Variants in KCNIP1 observed in about 807,000 individuals in gnomAD.
KCNIP1 encodes potassium voltage-gated channel interacting protein 1.
In KCNIP1, 18 loss-of-function variants were observed where a neutral mutation model predicts 33.0. The ratio of observed to expected loss-of-function variants is 0.55; its 90% CI spans 0.38 to 0.81. KCNIP1 has a LOEUF of 0.81. KCNIP1 is among the 30% of genes least tolerant of loss of function. The pLI, the probability that KCNIP1 is intolerant of heterozygous loss-of-function variation, is 0.00. For missense variants in KCNIP1, 238 were observed against 271.6 expected, an observed-to-expected ratio of 0.88 and a Z score of 0.87; for synonymous variants, 93 against 98.3, an observed-to-expected ratio of 0.95 and a Z score of 0.32.
chr5:170,470,651 T>C (rs960010167), intron 1 of KCNIP1, among the ~76,000 whole-genome samples: 3 of 152,140 alleles, frequency 2.0e-5, no homozygotes, highest in African/African-American at 7.2e-5. Flanking sequence ...AATTAATACA[T>C]GGAGACTATG....
At chr5:170,499,901 T>C (rs987038320), upstream of KCNIP1, among the ~76,000 whole-genome samples, 5 of 152,174 alleles carry the variant, frequency 3.3e-5, no homozygotes, top group African/African-American at 4.8e-5. Context: ...TATAGAGGCT[T>C]ATGGCAGAAG....
intron 1 of KCNIP1, among the ~76,000 whole-genome samples, chr5:170,540,753 C>T (rs912404941): frequency 3.3e-5 from 5 of 152,152 alleles, no homozygotes; most frequent in African/African-American, 1.2e-4. Context: ...AACCAACTTG[C>T]CTTCAACTGC....
chr5:170,713,728 AG>A (rs1763537830), intron 1 of KCNIP1, among the ~76,000 whole-genome samples: 1 of 152,220 alleles, frequency 6.6e-6, no homozygotes. Flanking sequence ...GTAACCTCAA[AG>A]CTAGACGGAT....
At chr5:170,660,775 G>A (rs562344023) in intron 1 of KCNIP1, among the ~76,000 whole-genome samples, 9 of 152,226 alleles carry the variant, frequency 5.9e-5, no homozygotes, top group Non-Finnish European at 1.0e-4. Context: ...CTCCTTCCAC[G>A]CCCAGCAGAG....
intron 1 of KCNIP1, among the ~76,000 whole-genome samples, chr5:170,529,352 G>T (rs919186037): frequency 2.6e-5 from 4 of 152,148 alleles, no homozygotes; most frequent in African/African-American, 9.7e-5. Flanking sequence ...CCCAGGGCTG[G>T]CTCCCATTGG....
In KCNIP1 at chr5:170,621,218, G is replaced by A. The variant is rs116285655; in HGVS notation, c.62-97540G>A. ...TGCCCTGGAGATTCCAAGACATTAG[G>A]CATAGAAACAGTCTGGCCTAGACCC... On this transcript the variant is annotated intron_variant, in intron 1 of 7. Transcript: ENST00000328939. Among the ~76,000 whole-genome samples the A allele has an allele frequency of 3.3e-3, 510 of 152,324 alleles. 2 individuals are homozygous for A. Among genetic ancestry groups the A allele is most frequent in the African/African-American group, 0.012 (480 of 41,574 alleles).
chr5:170,548,644 A>G (rs1220330330), intron 1 of KCNIP1, among the ~76,000 whole-genome samples: 3 of 152,182 alleles, frequency 2.0e-5, no homozygotes, highest in Admixed American at 2.0e-4. Flanking sequence ...GTCAGGACAG[A>G]CAGGTTTTCT....
chr5:170,558,961 T>C (rs1756937125), intron 1 of KCNIP1, among the ~76,000 whole-genome samples: 1 of 152,166 alleles, frequency 6.6e-6, no homozygotes, highest in African/African-American at 2.4e-5. Flanking sequence ...ACCTGTGAAA[T>C]AAGAGGATCA....
chr5:170,473,309 T>C (rs76867753), intron 1 of KCNIP1, among the ~76,000 whole-genome samples: 1,672 of 152,336 alleles, frequency 0.011, 38 homozygotes, highest in East Asian at 0.049. Flanking sequence ...TCATATGTAT[T>C]AGCTGGCTAA....
rs950097153 is a variant in KCNIP1 at position 170,365,323 on chromosome 5, C to T, written c.88+11359C>T. Among the ~76,000 whole-genome samples, 15 of 152,168 alleles carry T rather than the reference C, an allele frequency of 9.9e-5. 1 individual carries two copies. Among genetic ancestry groups the T allele is most frequent in the Admixed American group, 3.3e-4 (5 of 15,288 alleles). On this transcript the variant is annotated intron_variant, in intron 1 of 7. Transcript: ENST00000377360. ...TTTAAAGGTTCCAGTTCTGTATCCA[C>T]CATTTCCACGTCCGTCTGTCCATCC...
chr5:170,404,381 C>T (rs1474995865), intron 1 of KCNIP1, among the ~76,000 whole-genome samples: 1 of 151,766 alleles, frequency 6.6e-6, no homozygotes, highest in Non-Finnish European at 1.5e-5. Context: ...ATTGGTTATC[C>T]ATTGCTGTGT....
At chr5:170,437,477 G>A (rs191636297) in intron 1 of KCNIP1, among the ~76,000 whole-genome samples, 132 of 152,268 alleles carry the variant, frequency 8.7e-4, no homozygotes, top group African/African-American at 3.1e-3. Context: ...TCAAATCTCT[G>A]CTCACCCCCA....
At chr5:170,641,380 G>C (rs1206119270) in intron 1 of KCNIP1, among the ~76,000 whole-genome samples, 3 of 152,192 alleles carry the variant, frequency 2.0e-5, no homozygotes, top group Admixed American at 2.0e-4. Flanking sequence ...TCAGCATGAG[G>C]GGCTGCTCGG....
chr5:170,713,776 C>T (rs1052327327), intron 1 of KCNIP1, among the ~76,000 whole-genome samples: 3 of 152,136 alleles, frequency 2.0e-5, no homozygotes, highest in Non-Finnish European at 4.4e-5. Flanking sequence ...AATCTCAGCA[C>T]TTTGGAAGGC....
At chr5:170,725,890 G>A (rs1457200874) in intron 5 of KCNIP1, among the ~76,000 whole-genome samples, 2 of 152,070 alleles carry the variant, frequency 1.3e-5, no homozygotes, top group East Asian at 3.8e-4. Flanking sequence ...AAAGATCAAA[G>A]GGGAAAGAAC....
At chr5:170,469,752 C>A (rs573012109) in intron 1 of KCNIP1, among the ~76,000 whole-genome samples, 1 of 152,308 alleles carries the variant, frequency 6.6e-6, no homozygotes, top group East Asian at 1.9e-4. Flanking sequence ...CAATGAATTC[C>A]CATTTGTATC....
intron 1 of KCNIP1, among the ~76,000 whole-genome samples, chr5:170,677,803 T>C (rs1244087879): frequency 6.6e-6 from 1 of 151,988 alleles, no homozygotes; most frequent in South Asian, 2.1e-4. Flanking sequence ...AACCTTTGTT[T>C]CTTTAAGGCA....
intron 1 of KCNIP1, among the ~76,000 whole-genome samples, chr5:170,705,130 G>T (rs772828969): frequency 6.6e-6 from 1 of 152,198 alleles, no homozygotes; most frequent in Non-Finnish European, 1.5e-5. Context: ...GTGATGTATT[G>T]TGTAGTCTAA....
chr5:170,554,973 G>A (rs146468327), intron 1 of KCNIP1, among the ~76,000 whole-genome samples: 331 of 152,324 alleles, frequency 2.2e-3, no homozygotes, highest in Non-Finnish European at 2.7e-3. Context: ...AGTCCCAGGG[G>A]ATTTGAGAAG....
Sources: gnomAD v4.1 joint callset for allele counts (sites outside exome capture counted in the v4.1 genomes callset) on GRCh38, gnomAD v4.1.1 for gene constraint, MANE v1.5 for transcripts, NCBI Gene and HGNC (gene_info 2026-07-23, HGNC 2026-07-21) for gene names.